Variants in SULF1 observed in about 807,000 individuals in gnomAD.
SULF1 encodes the protein extracellular sulfatase Sulf-1.
In SULF1, 46 loss-of-function variants were observed where a neutral mutation model predicts 110.5. That is an observed-to-expected ratio of 0.42 (90% CI 0.33 to 0.53). SULF1 has a LOEUF of 0.53. Among genes scored for constraint, SULF1 ranks in the 20% least tolerant of loss-of-function variants. The pLI, the probability that SULF1 is intolerant of heterozygous loss-of-function variation, is 0.12. For missense variants in SULF1, 941 were observed against 1,094.2 expected (o/e 0.86, Z 1.98); for synonymous variants, 371 against 387.1 (o/e 0.96, Z 0.49).
intron 2 of SULF1, among the ~76,000 whole-genome samples, chr8:69,500,209 G>T (rs919425108): frequency 2.0e-5 from 3 of 152,196 alleles, no homozygotes; most frequent in African/African-American, 7.2e-5. Flanking sequence ...AAGTAATAAT[G>T]ATTGCCGATG....
At chr8:69,637,331 C>T (rs1586609195) in intron 19 of SULF1, among the ~76,000 whole-genome samples, 1 of 152,210 alleles carries the variant, frequency 6.6e-6, no homozygotes, top group African/African-American at 2.4e-5. Context: ...TGTTGAACCA[C>T]CACTCCACTG....
intron 13 of SULF1, among the ~76,000 whole-genome samples, chr8:69,616,602 A>G (rs1028090956): frequency 4.7e-5 from 7 of 149,624 alleles, no homozygotes; most frequent in African/African-American, 1.5e-4. Context: ...GGGTTTCACC[A>G]TGTTGTCCAG....
At chr8:69,526,332 C>A (rs778556865) in intron 3 of SULF1, among the ~76,000 whole-genome samples, 2 of 151,984 alleles carry the variant, frequency 1.3e-5, no homozygotes, top group Non-Finnish European at 2.9e-5. Flanking sequence ...AATTTAAATT[C>A]TTTTTATTTA....
intron 3 of SULF1, among the ~76,000 whole-genome samples, chr8:69,536,899 C>T (rs527431352): frequency 7.9e-5 from 12 of 152,218 alleles, no homozygotes; most frequent in Middle Eastern, 3.4e-3. Flanking sequence ...AGGGTGGTGT[C>T]CTGCAGAAGG....
chr8:69,603,414 A>T, intron 11 of SULF1, 94 bp downstream of exon 11: 1 of 1,582,366 alleles, frequency 6.3e-7, no homozygotes, highest in Non-Finnish European at 8.7e-7. Context: ...TGGAGGCAGA[A>T]TATGCCTTGC....
intron 12 of SULF1, 58 bp downstream of exon 12, chr8:69,603,714 G>A: frequency 8.5e-7 from 1 of 1,172,146 alleles, no homozygotes; most frequent in Non-Finnish European, 1.3e-6. Flanking sequence ...AGCTTTCCCT[G>A]CTGAGTATTT....
intron 3 of SULF1, among the ~76,000 whole-genome samples, chr8:69,511,266 T>G (rs1286323567): frequency 1.3e-5 from 2 of 152,232 alleles, no homozygotes; most frequent in Non-Finnish European, 2.9e-5. Flanking sequence ...AATTTTCTAA[T>G]TTTTGTTTTC....
chr8:69,471,998 T>TGA lies in SULF1; in HGVS notation c.-391+5067_-391+5068dup, dbSNP rs3059922. On this transcript the variant is annotated intron_variant, in intron 1 of 22. Coordinates refer to the SULF1 transcript ENST00000260128. ...GAGGGAGAGAGCAAGGGAGAGAAAG[T>TGA]GAGAGAGAGAGAGAGAGAGAAGGAG... Among the ~76,000 whole-genome samples, 478 of 149,272 alleles carry TGA rather than the reference T, an allele frequency of 3.2e-3. 2 individuals carry two copies. Among genetic ancestry groups the TGA allele is most frequent in the Non-Finnish European group, 4.5e-3 (302 of 67,076 alleles).
intron 1 of SULF1, among the ~76,000 whole-genome samples, chr8:69,493,425 CCACA>C (rs144157646): frequency 2.1e-4 from 31 of 147,182 alleles, no homozygotes; most frequent in East Asian, 7.9e-4. Context: ...TTGATACACA[CCACA>C]CACACACACA....
At chr8:69,592,860 C>A in intron 8 of SULF1, 1 of 921,662 alleles carries the variant, frequency 1.1e-6, no homozygotes, top group African/African-American at 1.8e-5. Context: ...ACATGACAGA[C>A]CTCTTGACAA....
At chr8:69,613,952 T>C (rs1363976291) in intron 13 of SULF1, among the ~76,000 whole-genome samples, 1 of 151,158 alleles carries the variant, frequency 6.6e-6, no homozygotes, top group Non-Finnish European at 1.5e-5. Flanking sequence ...AGCCATAGAG[T>C]TAGCAGCAAA....
intron 1 of SULF1, among the ~76,000 whole-genome samples, chr8:69,474,557 CT>C (rs1229643946): frequency 6.6e-6 from 1 of 152,088 alleles, no homozygotes; most frequent in African/African-American, 2.4e-5. Flanking sequence ...ATCATGTTCT[CT>C]TTTTTTCTTC....
intron 3 of SULF1, among the ~76,000 whole-genome samples, chr8:69,547,109 G>C (rs1814316792): frequency 6.6e-6 from 1 of 152,072 alleles, no homozygotes; most frequent in African/African-American, 2.4e-5. Context: ...ATGGAAAATA[G>C]CTACCAGCCT....
intron 2 of SULF1, among the ~76,000 whole-genome samples, chr8:69,499,098 A>G (rs1466921828): frequency 6.6e-6 from 1 of 152,134 alleles, no homozygotes; most frequent in Non-Finnish European, 1.5e-5. Context: ...ACTTCAAGCA[A>G]TCTGCCCGCC....
In SULF1 at chr8:69,642,165, TTATC is replaced by T. The variant is rs929046667; in HGVS notation, c.2585+1328_2585+1331del. 25 of 845,448 alleles carry T rather than the reference TTATC, an allele frequency of 3.0e-5. No homozygotes were observed. The Admixed American group carries it at 3.7e-4, about 13-fold the overall frequency. The allele number at this position is 845,448 out of a possible 1,614,324, so 52.4% of individuals were successfully genotyped here. ...TTCTTTATCTATATTAATATCTTCT[TTATC>T]TATATTAATATCTTCTTCATCTGTA... is the stretch of plus-strand genomic sequence containing the variant. On this transcript the variant is annotated intron_variant, in intron 22 of 22. Transcript: ENST00000402687.
intron 19 of SULF1, among the ~76,000 whole-genome samples, chr8:69,631,097 G>A (rs1017778157): frequency 6.6e-6 from 1 of 152,162 alleles, no homozygotes; most frequent in African/African-American, 2.4e-5. Flanking sequence ...GAAACCTAAA[G>A]GATAGAGAGA....
At chr8:69,631,145 G>A (rs1375996666) in intron 19 of SULF1, among the ~76,000 whole-genome samples, 3 of 152,154 alleles carry the variant, frequency 2.0e-5, no homozygotes, top group Admixed American at 1.3e-4. Context: ...CCAGGCAGAG[G>A]GAACAGTGCA....
intron 13 of SULF1, among the ~76,000 whole-genome samples, chr8:69,610,396 T>A (rs1467802951): frequency 6.6e-6 from 1 of 152,182 alleles, no homozygotes; most frequent in Admixed American, 6.6e-5. Context: ...CTAGAATTGT[T>A]AGTTTTCCAG....
chr8:69,531,953 A>T (rs755332600), intron 3 of SULF1, among the ~76,000 whole-genome samples: 10 of 152,094 alleles, frequency 6.6e-5, no homozygotes, highest in Non-Finnish European at 1.2e-4. Flanking sequence ...TCACAACCTT[A>T]ACAGCAGCCA....
Sources: gnomAD v4.1 joint callset for allele counts (sites outside exome capture counted in the v4.1 genomes callset) on GRCh38, gnomAD v4.1.1 for gene constraint, MANE v1.5 for transcripts, NCBI Gene and HGNC (gene_info 2026-07-23, HGNC 2026-07-21) for gene names.